PLEKHH3: variants seen among roughly 807,000 people sequenced by gnomAD.
PLEKHH3 encodes pleckstrin homology, MyTH4 and FERM domain containing H3.
A neutral mutation model predicts 77.8 loss-of-function variants in PLEKHH3; 57 were observed. The ratio of observed to expected loss-of-function variants is 0.73; its 90% confidence interval spans 0.59 to 0.91. PLEKHH3 has a LOEUF of 0.91. Among genes scored for constraint, PLEKHH3 ranks in the 40% least tolerant of loss-of-function variants. The pLI, the probability that PLEKHH3 is intolerant of heterozygous loss-of-function variation, is 0.00. For synonymous variants in PLEKHH3, 467 were observed against 504.8 expected, an observed-to-expected ratio of 0.93 and a Z score of 1.00; for missense variants, 1,082 against 1,091.2, an observed-to-expected ratio of 0.99 and a Z score of 0.12.
rs994185481 is a variant in PLEKHH3, at chr17:42,672,312, C to T, written c.850G>A (p.Gly284Arg). The change falls in exon 7 of 13, where the codon GGG (glycine) becomes AGG (arginine). Residue 284 changes from glycine to arginine, a missense_variant. Physicochemically the swap from Gly to Arg is moderately radical, Grantham distance 125. Coordinates refer to ENST00000591022, the MANE Select transcript of PLEKHH3 (RefSeq NM_024927.5). Reference sequence around the variant, plus strand: ...TGGAGCACACCCTGCATCAAGGGCCCGGGGCGCCGCGCCCCCTCCAGCGCC... The same window carrying T: ...TGGAGCACACCCTGCATCAAGGGCCTGGGGCGCCGCGCCCCCTCCAGCGCC... ...LQALEGARRP[G>R]PLMQGVLQTC... 2 of 1,548,610 alleles carry T rather than the reference C, an allele frequency of 1.3e-6. No homozygotes were observed. The highest frequency in any genetic ancestry group is 1.7e-6 in the Non-Finnish European group (2 of 1,146,624).
chr17:42,672,453 A>T, intron 6 of PLEKHH3, 61 bp from the exon 7 acceptor site: 1 of 1,380,338 alleles, frequency 7.2e-7, no homozygotes, highest in Non-Finnish European at 9.6e-7. Context: ...GCGCCCTGGG[A>T]GGAAGGCATG....
rs1295288512 is a variant in PLEKHH3, at chr17:42,670,658, C to T, written c.1469G>A (p.Trp490Ter). The T allele has an allele frequency of 1.9e-6, 3 of 1,613,082 alleles. No individual in the cohort carries two copies. Among genetic ancestry groups the T allele is most frequent in the Non-Finnish European group, 2.5e-6 (3 of 1,179,888 alleles). Residue 490 changes from tryptophan (W) to a stop codon, truncating the protein, a stop_gained, in exon 10 of 13, where the codon TGG becomes TAG. Coordinates refer to ENST00000591022, the MANE Select transcript of PLEKHH3 (RefSeq NM_024927.5). LOFTEE classifies it high-confidence loss of function. ...TCCGTGAAGACGCAGACATAGTCTC[C>T]ACCCGGAGTCGGGCGAGTCCTCCAA... Reference protein sequence around the residue: ...AGLEDSPDSGWRLCLRLHGPL... With the variant: ...AGLEDSPDSG
At chr17:42,674,556 C>A in intron 1 of PLEKHH3, 147 bp from the exon 2 acceptor site, 2 of 609,002 alleles carry the variant, frequency 3.3e-6, no homozygotes. Flanking sequence ...CACGCTGGAG[C>A]CCCTGGGCTC....
chr17:42,674,337 G>A lies in PLEKHH3; in HGVS notation c.218+17C>T, dbSNP rs1284776972. Reference sequence around the variant, plus strand: ...TGCTGGGGTCGCCAGACTATGGGACGTAGGGGCGTAGCTCACCTGTTGGAG... The same window carrying A: ...TGCTGGGGTCGCCAGACTATGGGACATAGGGGCGTAGCTCACCTGTTGGAG... On this transcript the variant is annotated intron_variant, in intron 2 of 12. Transcript: ENST00000591022. 4 of 1,560,036 alleles carry A rather than the reference G, an allele frequency of 2.6e-6. No individual in the cohort carries two copies. The highest frequency in any genetic ancestry group is 1.2e-5 in the South Asian group (1 of 82,718).
At position 42,671,473 on chromosome 17, in the gene PLEKHH3, G is replaced by A. The variant is rs770583854; in HGVS notation, c.1162C>T (p.Leu388=). ...KALGRTRGRE[L]VPSLAEISAL... Reference sequence around the variant, plus strand: ...GAAATCTCCGCCAGCGAGGGCACCAGCTCTCTGCCGCGCGTCCGGCCCAGC... The same window carrying A: ...GAAATCTCCGCCAGCGAGGGCACCAACTCTCTGCCGCGCGTCCGGCCCAGC... The change falls in exon 8 of 13, where the codon CTG becomes TTG. Residue 388 remains leucine (L), a synonymous_variant. Coordinates refer to ENST00000591022, the MANE Select transcript of PLEKHH3 (RefSeq NM_024927.5). This position sits in a 1 kb window ranked among gnomAD's most constrained non-coding sequence, Gnocchi z 4.7. 1.7e-5 allele frequency: 27 copies of A among 1,613,056 alleles called. No individual in the cohort carries two copies. Among genetic ancestry groups the A allele is most frequent in the Non-Finnish European group, 2.1e-5 (25 of 1,180,028 alleles).
intron 2 of PLEKHH3, 86 bp from the exon 3 acceptor site, chr17:42,674,099 T>TGAC (rs2143599186): frequency 1.4e-6 from 2 of 1,408,650 alleles, no homozygotes; most frequent in African/African-American, 1.4e-5. Context: ...CACGGGTGTC[T>TGAC]GCTCCCAAGC....
In PLEKHH3 at chr17:42,673,783, G is replaced by C; in HGVS notation, c.350C>G (p.Pro117Arg). 1 of 1,592,410 alleles carries C rather than the reference G, an allele frequency of 6.3e-7. No individual in the cohort carries two copies. The highest frequency in any genetic ancestry group is 8.5e-7 in the Non-Finnish European group (1 of 1,175,632). ...RGGGARPWLP[P>R]RRAWFVLTRD... ...CGTGAGCACAAACCAGGCTCGGCGC[G>C]GGGGCAGCCAGGGCCGCGCCCCTCC... The change falls in exon 4 of 13, where the codon CCG (proline) becomes CGG (arginine). Residue 117 changes from proline to arginine, a missense_variant. Around this residue, in one of 3 missense-constraint regions of PLEKHH3, gnomAD observed 344 missense variants for 320.8 expected, o/e 1.07. Transcript: ENST00000591022.
chr17:42,674,274 C>A (rs1047192512), intron 2 of PLEKHH3, 80 bp downstream of exon 2: 2 of 1,464,818 alleles, frequency 1.4e-6, no homozygotes, highest in Non-Finnish European at 9.2e-7. Context: ...ATTGCACAAC[C>A]GCTAGGGGAG....
intron 2 of PLEKHH3, 108 bp downstream of exon 2, chr17:42,674,246 G>T: frequency 7.5e-7 from 1 of 1,339,450 alleles, no homozygotes; most frequent in Non-Finnish European, 1.0e-6. Context: ...ACAGCGTCCG[G>T]CATAGGGCCT....
chr17:42,669,913 C>T lies in PLEKHH3; in HGVS notation c.2013+5G>A, dbSNP rs776289239. On this transcript the variant is annotated splice_donor_5th_base_variant and intron_variant, in intron 11 of 12. Coordinates refer to ENST00000591022, the MANE Select transcript of PLEKHH3 (RefSeq NM_024927.5). ...CAGAGTCCCCTTCTCCCTTCTCCCC[C>T]TCACCGTGCTCAGCTCCAGAACGTC... 6.2e-7 allele frequency: 1 copy of T among 1,613,502 alleles called. No homozygotes were observed. Among genetic ancestry groups the T allele is most frequent in the Non-Finnish European group, 8.5e-7 (1 of 1,179,912 alleles).
In PLEKHH3 at chr17:42,673,269, C is replaced by A; in HGVS notation, c.676G>T (p.Ala226Ser). ...QESCGDPEAV[A>S]LIYLRNPILR... ...ATCGGGTTCCTCAGGTAAATGAGGG[C>A]AACGGCCTCTGGGTCCCCGCAACTT... is the stretch of plus-strand genomic sequence containing the variant. The change falls in exon 6 of 13, where the codon GCC becomes TCC. Residue 226 changes from alanine (A) to serine (S), a missense_variant. Physicochemically the swap from Ala to Ser is moderately conservative, Grantham distance 99. Coordinates refer to ENST00000591022, the MANE Select transcript of PLEKHH3 (RefSeq NM_024927.5). 6.3e-7 allele frequency: 1 copy of A among 1,598,526 alleles called. No individual in the cohort carries two copies. Among genetic ancestry groups the A allele is most frequent in the African/African-American group, 1.4e-5 (1 of 73,736 alleles).
chr17:42,675,025 G>A (rs1282066722), intron 1 of PLEKHH3: 3 of 152,138 alleles, frequency 2.0e-5, no homozygotes, highest in Non-Finnish European at 4.4e-5. Flanking sequence ...CCTTTGCTGG[G>A]GCTTAGGAAG....
At chr17:42,669,361 G>A (rs1309526116) in intron 12 of PLEKHH3, 69 bp downstream of exon 12, 2 of 1,431,120 alleles carry the variant, frequency 1.4e-6, no homozygotes, top group Non-Finnish European at 1.9e-6. Context: ...CCCAGGTTTG[G>A]TGTTCTGTAA....
At chr17:42,674,125 C>T (rs1459073464) in intron 2 of PLEKHH3, 112 bp from the exon 3 acceptor site, 2 of 1,238,788 alleles carry the variant, frequency 1.6e-6, no homozygotes, top group African/African-American at 1.5e-5. Context: ...ACCCCTCCCC[C>T]AGGCTGTGGG....
In PLEKHH3 at chr17:42,669,987, G is replaced by A; in HGVS notation, c.1944C>T (p.Ala648=). ...GACACTGCGCCGCCAGGGCCAGGTA[G>A]GCGGCCATGGCCTCAGCTCGGCCCA... ...RGMGRAEAMA[A]YLALAAQCPG... The change falls in exon 11 of 13, where the codon GCC becomes GCT. Residue 648 remains alanine (A), a synonymous_variant. Coordinates refer to ENST00000591022, the MANE Select transcript of PLEKHH3 (RefSeq NM_024927.5). 6.2e-7 allele frequency: 1 copy of A among 1,609,530 alleles called. No individual in the cohort carries two copies. Among genetic ancestry groups the A allele is most frequent in the Non-Finnish European group, 8.5e-7 (1 of 1,178,964 alleles).
At position 42,671,260 on chromosome 17, in the gene PLEKHH3, G is replaced by A. The variant is rs963266346; in HGVS notation, c.1284+91C>T. ...TCCCTTACCAAAATAATCTAGACTC[G>A]GGGCAAACCTAGGGTCCAGGAAGAG... On this transcript the variant is annotated intron_variant, in intron 8 of 12. Coordinates refer to ENST00000591022, the MANE Select transcript of PLEKHH3 (RefSeq NM_024927.5). The surrounding 1 kb of genome is among the most constrained non-coding windows in gnomAD (Gnocchi z 4.7). The A allele has an allele frequency of 1.9e-6, 3 of 1,538,996 alleles. No individual in the cohort carries two copies. Among genetic ancestry groups the A allele is most frequent in the Non-Finnish European group, 2.6e-6 (3 of 1,136,280 alleles).
intron 10 of PLEKHH3, 60 bp downstream of exon 10, chr17:42,670,513 G>C (rs752267029): frequency 5.1e-6 from 8 of 1,561,078 alleles, no homozygotes; most frequent in Middle Eastern, 1.7e-4. Context: ...AGACGGCCTA[G>C]AAAACCAGGG....
At chr17:42,670,425 C>T (rs1240796243) in intron 10 of PLEKHH3, 49 bp from the exon 11 acceptor site, 1 of 1,462,470 alleles carries the variant, frequency 6.8e-7, no homozygotes, top group Non-Finnish European at 9.0e-7. Flanking sequence ...GCGGAACCGT[C>T]GCGAAAACGC....
chr17:42,674,311 A>G, intron 2 of PLEKHH3, 43 bp downstream of exon 2: 1 of 1,531,220 alleles, frequency 6.5e-7, no homozygotes, highest in Non-Finnish European at 8.8e-7. Flanking sequence ...TCCCGGGAAC[A>G]TGCTGGGGTC....
Sources: gnomAD v4.1 joint callset for allele counts on GRCh38, gnomAD v4.1.1 for gene constraint, gnomAD v4.1.1 regional missense constraint, Gnocchi (gnomAD v3.1) non-coding constraint, MANE v1.5 for transcripts, NCBI Gene and HGNC (gene_info 2026-07-23, HGNC 2026-07-21) for gene names.